The following NHLH2 variants were observed in gnomAD, a reference collection of about 807,000 sequenced individuals.
NHLH2 encodes helix-loop-helix protein 2.
A neutral mutation model predicts 7.3 loss-of-function variants in NHLH2; 7 were observed. The ratio of observed to expected loss-of-function variants is 0.96; its 90% CI spans 0.55 to 1.81. The LOEUF (loss-of-function observed/expected upper bound fraction) is 1.81. Among genes scored for constraint, NHLH2 ranks in the 40% most tolerant of loss-of-function variants. NHLH2 has a pLI of 0.00. For missense variants in NHLH2, 155 were observed against 194.0 expected, an observed-to-expected ratio of 0.80 and a Z score of 1.19; for synonymous variants, 93 against 91.6, an observed-to-expected ratio of 1.01 and a Z score of -0.09.
downstream of NHLH2, among the ~76,000 whole-genome samples, chr1:115,836,212 C>T (rs77675312): frequency 0.028 from 4,261 of 152,220 alleles, 172 homozygotes; most frequent in African/African-American, 0.096. Flanking sequence ...GACTGATCCA[C>T]GTCCAAATTT....
At position 115,840,540 on chromosome 1, in the gene NHLH2, G is replaced by A. The variant is rs1651043449; in HGVS notation, c.-333C>T. 6.0e-6 allele frequency: 1 copy of A among 166,790 alleles called. No homozygotes were observed. The highest frequency in any genetic ancestry group is 1.5e-5 in the Non-Finnish European group (1 of 68,066). 10.3% of individuals were successfully genotyped at this position (166,790 alleles called of 1,614,324 possible). ...GTCTCGTGCCTTTTTTCCTCTTCTA[G>A]GTCTCTAAAAATAACAAAAGAGATG... On this transcript the variant is annotated 5_prime_UTR_variant, in exon 2 of 3. Coordinates refer to ENST00000320238, the MANE Select transcript of NHLH2 (RefSeq NM_005599.3).
chr1:115,834,175 A>C (rs2101192715), downstream of NHLH2, among the ~76,000 whole-genome samples: 1 of 152,122 alleles, frequency 6.6e-6, no homozygotes, highest in East Asian at 1.9e-4. Context: ...CTGGAGAGGA[A>C]GGTTGTTTTG....
At chr1:115,832,545 A>G (rs1650777742), downstream of NHLH2, among the ~76,000 whole-genome samples, 2 of 152,334 alleles carry the variant, frequency 1.3e-5, no homozygotes, top group Middle Eastern at 3.4e-3. Flanking sequence ...ACCTCATGAC[A>G]TGCATTTGAG....
chr1:115,833,334 G>A (rs1489506276), downstream of NHLH2, among the ~76,000 whole-genome samples: 1 of 152,178 alleles, frequency 6.6e-6, no homozygotes, highest in Non-Finnish European at 1.5e-5. Context: ...GCTTGACTTG[G>A]CATACAGAGC....
chr1:115,833,593 A>G (rs1650800464), downstream of NHLH2, among the ~76,000 whole-genome samples: 1 of 152,192 alleles, frequency 6.6e-6, no homozygotes, highest in East Asian at 1.9e-4. Flanking sequence ...CATGGCCCTA[A>G]GCAAGTCATC....
chr1:115,836,559 C>T lies in NHLH2; in HGVS notation c.*1406G>A, dbSNP rs1004825088. 1 of 152,504 alleles carries T rather than the reference C, an allele frequency of 6.6e-6. No individual in the cohort carries two copies. Among genetic ancestry groups the T allele is most frequent in the Non-Finnish European group, 1.5e-5 (1 of 67,996 alleles). The allele number at this position is 152,504 out of a possible 1,614,324, so 9.4% of individuals were successfully genotyped here. Reference sequence around the variant, plus strand: ...TTTGGATAGCAGATGTGGTTTTTTTCCCTTGTCTCTAAAATACACTCCTTG... The same window carrying T: ...TTTGGATAGCAGATGTGGTTTTTTTTCCTTGTCTCTAAAATACACTCCTTG... On this transcript the variant is annotated 3_prime_UTR_variant, in exon 3 of 3. Transcript: ENST00000320238.
chr1:115,840,638 T>C (rs1330238474), intron 1 of NHLH2, 94 bp from the exon 2 acceptor site: 1 of 166,942 alleles, frequency 6.0e-6, no homozygotes, highest in Non-Finnish European at 1.5e-5. Context: ...ATAAGAAAGA[T>C]GGTTAAGATA....
rs974945907 is a variant in NHLH2, at chr1:115,836,838, G to A, written c.*1127C>T. The A allele has an allele frequency of 6.6e-6, 1 of 152,118 alleles. No individual in the cohort carries two copies. Among genetic ancestry groups the A allele is most frequent in the Non-Finnish European group, 1.5e-5 (1 of 68,014 alleles). The allele number at this position is 152,118 out of a possible 1,614,324, so 9.4% of individuals were successfully genotyped here. The stretch of plus-strand genomic sequence containing the variant: ...ACACTTTTTAAAAAACTATAATAGT[G>A]AAGTGCTAGTGTTGCTGATCTCACA... On this transcript the variant is annotated 3_prime_UTR_variant, in exon 3 of 3. Transcript: ENST00000320238.
chr1:115,837,014 T>A lies in NHLH2; in HGVS notation c.*951A>T, dbSNP rs1477570864. The A allele has an allele frequency of 6.6e-6, 1 of 152,420 alleles. No homozygotes were observed. Among genetic ancestry groups the A allele is most frequent in the African/African-American group, 2.4e-5 (1 of 41,432 alleles). 9.4% of individuals were successfully genotyped at this position (152,420 alleles called of 1,614,324 possible). ...CAACAAACACGTAAAAAGTTAGACA[T>A]AATTATTCCACAGGAAAAAGTGTAA... is the stretch of plus-strand genomic sequence containing the variant. On this transcript the variant is annotated 3_prime_UTR_variant, in exon 3 of 3. Coordinates refer to ENST00000320238, the MANE Select transcript of NHLH2 (RefSeq NM_005599.3).
At position 115,837,096 on chromosome 1, in the gene NHLH2, T is replaced by C. The variant is rs900586521; in HGVS notation, c.*869A>G. The C allele has an allele frequency of 2.0e-5, 3 of 152,432 alleles. No individual in the cohort carries two copies. The highest frequency in any genetic ancestry group is 7.2e-5 in the African/African-American group (3 of 41,446). The allele number at this position is 152,432 out of a possible 1,614,324, so 9.4% of individuals were successfully genotyped here. ...ATCCAAAGTAAAAGTATCACCACTC[T>C]GAAAAATAAATGTCTTGAAAAAAAT... On this transcript the variant is annotated 3_prime_UTR_variant, in exon 3 of 3. Transcript: ENST00000320238.
At chr1:115,836,139 T>C (rs943649895), downstream of NHLH2, among the ~76,000 whole-genome samples, 11 of 152,218 alleles carry the variant, frequency 7.2e-5, no homozygotes, top group Admixed American at 2.0e-4. Context: ...ATAAACACTA[T>C]ACTTCTTTTC....
In NHLH2 at chr1:115,838,271, G is replaced by C; in HGVS notation, c.102C>G (p.Ser34Arg). 6.2e-7 allele frequency: 1 copy of C among 1,600,800 alleles called. No individual in the cohort carries two copies. The highest frequency in any genetic ancestry group is 8.5e-7 in the Non-Finnish European group (1 of 1,175,736). ...CCTCCACCGGCTCCAGGTCCGACAC[G>C]CTGCCGAGCACCTTGGTGTCCGTGC... The part of the protein sequence containing the change: ...LGGTDTKVLG[S>R]VSDLEPVEEA... The change falls in exon 3 of 3, where the codon AGC becomes AGG. Residue 34 changes from serine (S) to arginine (R), a missense_variant. Coordinates refer to ENST00000320238, the MANE Select transcript of NHLH2 (RefSeq NM_005599.3).
chr1:115,831,894 C>T (rs1361447963), downstream of NHLH2, among the ~76,000 whole-genome samples: 1 of 149,318 alleles, frequency 6.7e-6, no homozygotes, highest in African/African-American at 2.5e-5. Flanking sequence ...TGCACCACTG[C>T]AGCCTGGGCC....
downstream of NHLH2, among the ~76,000 whole-genome samples, chr1:115,833,693 T>G (rs1321616009): frequency 6.6e-6 from 1 of 152,214 alleles, no homozygotes; most frequent in Non-Finnish European, 1.5e-5. Flanking sequence ...TTACAGGAGA[T>G]AATGCATGCA....
Position 115,837,761 on chromosome 1 carries a change from A to C in NHLH2, c.*204T>G. On this transcript the variant is annotated 3_prime_UTR_variant, in exon 3 of 3. Coordinates refer to ENST00000320238, the MANE Select transcript of NHLH2 (RefSeq NM_005599.3). ...CTGCGAGCCCCCGGGCTCGCCAGAC[A>C]ACCCCACCTGCCTGCGTCGGAAACC... The C allele has an allele frequency of 1.7e-6, 1 of 583,016 alleles. No homozygotes were observed. The highest frequency in any genetic ancestry group is 3.9e-5 in the Admixed American group (1 of 25,650). 36.1% of individuals were successfully genotyped at this position (583,016 alleles called of 1,614,324 possible).
rs10754377 is a variant in NHLH2, at chr1:115,837,551, C to T, written c.*414G>A. The T allele has an allele frequency of 0.4, 71,400 of 178,358 alleles. 14,832 individuals are homozygous for T. Among genetic ancestry groups the T allele is most frequent in the East Asian group, 0.57 (3,095 of 5,392 alleles). The allele number at this position is 178,358 out of a possible 1,614,324, so 11.0% of individuals were successfully genotyped here. On this transcript the variant is annotated 3_prime_UTR_variant, in exon 3 of 3. Transcript: ENST00000320238. ...GTCCATTAGAAAAATTCCAGATAGC[C>T]TAAAGTTATGAGCCTGCATACTCTG...
At chr1:115,838,405 C>A in intron 2 of NHLH2, 25 bp from the exon 3 acceptor site, 1 of 1,605,318 alleles carries the variant, frequency 6.2e-7, no homozygotes, top group Non-Finnish European at 8.5e-7. Flanking sequence ...GAAAATTAAT[C>A]AGTAAAAGGA....
chr1:115,838,235 G>A lies in NHLH2; in HGVS notation c.138C>T (p.Gly46=). 1.3e-6 allele frequency: 2 copies of A among 1,561,636 alleles called. No individual in the cohort carries two copies. Among genetic ancestry groups the A allele is most frequent in the Non-Finnish European group, 1.7e-6 (2 of 1,156,094 alleles). The stretch of plus-strand genomic sequence containing the variant: ...CGGCTCGGCTGCCGCCCTTGCCGTC[G>A]CCCTCGGCCTCCTCCACCGGCTCCA... ...SDLEPVEEAE[G]DGKGGSRAAL... The change falls in exon 3 of 3, where the codon GGC becomes GGT. Residue 46 remains glycine (G), a synonymous_variant. Transcript: ENST00000320238.
downstream of NHLH2, among the ~76,000 whole-genome samples, chr1:115,833,488 G>A (rs1363240452): frequency 1.3e-5 from 2 of 151,764 alleles, no homozygotes; most frequent in South Asian, 2.1e-4. Flanking sequence ...CAAGGGGGGT[G>A]GTGTGTGAGT....
Sources: gnomAD v4.1 joint callset for allele counts (sites outside exome capture counted in the v4.1 genomes callset) on GRCh38, gnomAD v4.1.1 for gene constraint, MANE v1.5 for transcripts, NCBI Gene and HGNC (gene_info 2026-07-23, HGNC 2026-07-21) for gene names.